The following CHRM3 variants were observed in gnomAD, a reference collection of about 807,000 sequenced individuals.
The protein encoded by CHRM3 is cholinergic receptor muscarinic 3, also known as muscarinic acetylcholine receptor M3.
A neutral mutation model predicts 41.8 loss-of-function variants in CHRM3; 11 were observed. The ratio of observed to expected loss-of-function variants is 0.26; its 90% CI spans 0.17 to 0.44. CHRM3 has a LOEUF of 0.44. Ranked by LOEUF, CHRM3 falls within the 20% of genes least tolerant of loss-of-function variation. The pLI, the probability that CHRM3 is intolerant of heterozygous loss-of-function variation, is 1.00. For synonymous variants in CHRM3, 297 were observed against 301.4 expected, an observed-to-expected ratio of 0.99 and a Z score of 0.15; for missense variants, 571 against 745.4, an observed-to-expected ratio of 0.77 and a Z score of 2.72.
chr1:239,776,421 A>C (rs1390771765), intron 5 of CHRM3, among the ~76,000 whole-genome samples: 1 of 152,248 alleles, frequency 6.6e-6, no homozygotes, highest in African/African-American at 2.4e-5. Context: ...CAGTGATTAC[A>C]TAGAATAATA....
At chr1:239,859,424 T>G (rs1263920409) in intron 6 of CHRM3, among the ~76,000 whole-genome samples, 73 of 122,882 alleles carry the variant, frequency 5.9e-4, no homozygotes, top group Admixed American at 4.0e-3. Flanking sequence ...TTGTTGTTTT[T>G]TTTTTTTGTT....
intron 5 of CHRM3, among the ~76,000 whole-genome samples, chr1:239,688,655 G>T (rs1175431730): frequency 2.6e-5 from 3 of 115,728 alleles, no homozygotes; most frequent in South Asian, 2.6e-4. Flanking sequence ...TATATTACTC[G>T]GTATAATATA....
chr1:239,630,279 A>T (rs1669666839), intron 3 of CHRM3, among the ~76,000 whole-genome samples: 1 of 152,226 alleles, frequency 6.6e-6, no homozygotes, highest in Non-Finnish European at 1.5e-5. Flanking sequence ...TCTGAATTTC[A>T]ACATGTAGGC....
intron 6 of CHRM3, among the ~76,000 whole-genome samples, chr1:239,893,627 T>C (rs1678731482): frequency 6.6e-6 from 1 of 151,866 alleles, no homozygotes; most frequent in Admixed American, 6.6e-5. Context: ...GCACAGAGGT[T>C]CCTTGAAGGA....
chr1:239,743,704 C>A (rs1665063086), intron 5 of CHRM3, among the ~76,000 whole-genome samples: 1 of 151,816 alleles, frequency 6.6e-6, no homozygotes, highest in African/African-American at 2.4e-5. Flanking sequence ...GGTTTCACTC[C>A]TTTTTCAAGC....
rs182843780 is a variant in CHRM3 at position 239,654,320 on chromosome 1, T to C, written c.-250+22034T>C. 4.8e-4 allele frequency among the ~76,000 whole-genome samples: 73 copies of C among 152,200 alleles called. 1 individual carries two copies. The highest frequency in any genetic ancestry group is 3.9e-3 in the Admixed American group (60 of 15,296). The stretch of plus-strand genomic sequence containing the variant: ...CACAGGATTGGAGGGAAGAATAGGT[T>C]ATAAAGATAAGGAGGGATTCAATTT... On this transcript the variant is annotated intron_variant, in intron 4 of 6. Coordinates refer to ENST00000676153, the MANE Select transcript of CHRM3 (RefSeq NM_001375978.1).
chr1:239,828,528 A>AT (rs1398719399), intron 6 of CHRM3, among the ~76,000 whole-genome samples: 10 of 152,182 alleles, frequency 6.6e-5, no homozygotes, highest in Non-Finnish European at 1.5e-4. Flanking sequence ...ATATAATAAC[A>AT]TTTAAGCAAA....
intron 4 of CHRM3, among the ~76,000 whole-genome samples, chr1:239,654,536 C>T (rs948902045): frequency 1.1e-4 from 17 of 152,098 alleles, no homozygotes; most frequent in African/African-American, 7.2e-5. Flanking sequence ...GTAGCTGGGA[C>T]TACAGGCACA....
chr1:239,555,239 A>G (rs529901722), intron 3 of CHRM3, among the ~76,000 whole-genome samples: 3 of 151,740 alleles, frequency 2.0e-5, no homozygotes, highest in South Asian at 2.1e-4. Flanking sequence ...AAGAAAAGCA[A>G]CTCCCAGTTT....
At chr1:239,888,232 TG>T (rs1314978894) in intron 6 of CHRM3, among the ~76,000 whole-genome samples, 1 of 152,006 alleles carries the variant, frequency 6.6e-6, no homozygotes, top group Non-Finnish European at 1.5e-5. Flanking sequence ...CCAGGCATGG[TG>T]GTGCACACCT....
chr1:239,662,145 A>G (rs372520096), intron 4 of CHRM3, among the ~76,000 whole-genome samples: 12 of 104,174 alleles, frequency 1.2e-4, no homozygotes, highest in South Asian at 2.8e-4. Flanking sequence ...GTGTGTGTGT[A>G]TCTTACTGTG....
chr1:239,410,247 T>G (rs895904223), intron 1 of CHRM3, among the ~76,000 whole-genome samples: 5 of 152,170 alleles, frequency 3.3e-5, no homozygotes, highest in African/African-American at 1.2e-4. Flanking sequence ...ATTTTTCCTC[T>G]TAAGTTTTCC....
At chr1:239,692,552 G>T (rs1389506461) in intron 5 of CHRM3, among the ~76,000 whole-genome samples, 6 of 152,060 alleles carry the variant, frequency 3.9e-5, no homozygotes, top group Admixed American at 6.6e-5. Context: ...TGAGTAAATT[G>T]GTTCCATTAC....
intron 5 of CHRM3, among the ~76,000 whole-genome samples, chr1:239,751,765 C>T (rs1665851420): frequency 6.6e-6 from 1 of 152,118 alleles, no homozygotes; most frequent in Non-Finnish European, 1.5e-5. Flanking sequence ...ATCTACAAAA[C>T]AAGAACAACA....
rs73124659 is a variant in CHRM3 at position 239,636,127 on chromosome 1, T to C, written c.-250+3841T>C. ...GGGCGACAGGGCTCCGTTCTTTGGA[T>C]CTTACATAGATTTATTGGCTAAACC... On this transcript the variant is annotated intron_variant, in intron 4 of 6. Coordinates refer to ENST00000676153, the MANE Select transcript of CHRM3 (RefSeq NM_001375978.1). Among the ~76,000 whole-genome samples the C allele has an allele frequency of 2.8e-3, 423 of 152,284 alleles. 3 individuals are homozygous for C. The highest frequency in any genetic ancestry group is 8.0e-3 in the African/African-American group (334 of 41,556).
intron 5 of CHRM3, among the ~76,000 whole-genome samples, chr1:239,712,537 G>C (rs1437945766): frequency 2.0e-5 from 3 of 152,172 alleles, no homozygotes; most frequent in Non-Finnish European, 2.9e-5. Flanking sequence ...GTAAGCTGGG[G>C]TATCTCTGAC....
intron 2 of CHRM3, among the ~76,000 whole-genome samples, chr1:239,544,870 A>G (rs1316508011): frequency 1.3e-5 from 2 of 152,216 alleles, no homozygotes; most frequent in Admixed American, 1.3e-4. Flanking sequence ...AGCACAACTA[A>G]TCATTGGAAG....
intron 3 of CHRM3, among the ~76,000 whole-genome samples, chr1:239,567,477 C>T (rs1661463434): frequency 6.6e-6 from 1 of 152,100 alleles, no homozygotes; most frequent in Admixed American, 6.5e-5. Flanking sequence ...CTCAATACAA[C>T]AATACGGTAG....
At chr1:239,414,484 G>A (rs1341689262) in intron 1 of CHRM3, among the ~76,000 whole-genome samples, 1 of 152,328 alleles carries the variant, frequency 6.6e-6, no homozygotes, top group East Asian at 1.9e-4. Context: ...CAATTTGTCT[G>A]CGCTGTGTGA....
Sources: allele counts gnomAD v4.1 joint callset (sites outside exome capture counted in the v4.1 genomes callset), GRCh38; gene constraint gnomAD v4.1.1; transcripts MANE v1.5; gene names NCBI Gene and HGNC (gene_info 2026-07-23, HGNC 2026-07-21).